EYS: variants seen among roughly 807,000 people sequenced by gnomAD.
EYS encodes the protein protein eyes shut homolog.
A neutral mutation model predicts 282.1 loss-of-function variants in EYS; 250 were observed. The ratio of observed to expected loss-of-function variants is 0.89; its 90% CI spans 0.80 to 0.98. EYS has a LOEUF of 0.98. Among genes scored for constraint, EYS ranks in the 50% least tolerant of loss-of-function variants. The probability of loss-of-function intolerance (pLI) is 0.00; values close to 1 mark genes in which losing one functional copy is unlikely to be tolerated. For synonymous variants in EYS, 1,355 were observed against 1,282.9 expected (o/e 1.06, Z -1.20); for missense variants, 4,016 against 3,709.0 (o/e 1.08, Z -2.15).
At chr6:65,485,744 G>A (rs1032990884) in intron 5 of EYS, among the ~76,000 whole-genome samples, 5 of 152,108 alleles carry the variant, frequency 3.3e-5, no homozygotes, top group African/African-American at 9.7e-5. Flanking sequence ...GGCGGAGGTT[G>A]CAGTGAGCCG....
At chr6:65,180,706 C>T (rs1765356427) in intron 12 of EYS, among the ~76,000 whole-genome samples, 1 of 152,072 alleles carries the variant, frequency 6.6e-6, no homozygotes, top group African/African-American at 2.4e-5. Flanking sequence ...GAAAAAACTG[C>T]TTTAAAGTTC....
intron 12 of EYS, among the ~76,000 whole-genome samples, chr6:65,225,054 G>A (rs1297344402): frequency 6.6e-6 from 1 of 151,906 alleles, no homozygotes; most frequent in Non-Finnish European, 1.5e-5. Flanking sequence ...GAAGATGAAA[G>A]AATACTTTCT....
chr6:64,035,388 A>C (rs538895806), intron 33 of EYS, among the ~76,000 whole-genome samples: 8 of 152,346 alleles, frequency 5.3e-5, no homozygotes, highest in African/African-American at 1.2e-4. Context: ...TATAGCCTTA[A>C]AAATCTATGA....
At chr6:63,905,870 G>A (rs113148399) in intron 35 of EYS, among the ~76,000 whole-genome samples, 4 of 152,202 alleles carry the variant, frequency 2.6e-5, no homozygotes, top group South Asian at 2.1e-4. Flanking sequence ...TCCTATCCCC[G>A]TTATGGCCTT....
At position 63,880,183 on chromosome 6, in the gene EYS, G is replaced by A. The variant is rs112308846; in HGVS notation, c.7056-15825C>T. Among the ~76,000 whole-genome samples the A allele has an allele frequency of 7.1e-3, 1,081 of 152,232 alleles. 16 individuals are homozygous for A. Among genetic ancestry groups the A allele is most frequent in the South Asian group, 0.023 (112 of 4,814 alleles). ...GTTGCCAAAGGACATTAACATTTGA[G>A]TCAGTGGGCTGGGGGAGACAGACCC... is the stretch of plus-strand genomic sequence containing the variant. On this transcript the variant is annotated intron_variant, in intron 35 of 42. Coordinates refer to ENST00000503581, the MANE Select transcript of EYS (RefSeq NM_001142800.2).
intron 19 of EYS, among the ~76,000 whole-genome samples, chr6:64,835,228 A>C (rs932564618): frequency 6.6e-6 from 1 of 151,746 alleles, no homozygotes; most frequent in African/African-American, 2.4e-5. Flanking sequence ...CATGAGCACT[A>C]TTAGCTTTCT....
chr6:64,408,181 A>G, intron 28 of EYS, among the ~76,000 whole-genome samples: 1 of 151,864 alleles, frequency 6.6e-6, no homozygotes, highest in East Asian at 1.9e-4. Flanking sequence ...TTAATAATAA[A>G]TAAATAAATA....
chr6:64,763,151 T>C (rs1159426111), intron 22 of EYS, among the ~76,000 whole-genome samples: 1 of 152,164 alleles, frequency 6.6e-6, no homozygotes, highest in Non-Finnish European at 1.5e-5. Context: ...ACCACAGGAA[T>C]AAATGCAAAA....
At chr6:64,140,065 CACTG>C (rs1355054317) in intron 31 of EYS, among the ~76,000 whole-genome samples, 2 of 151,974 alleles carry the variant, frequency 1.3e-5, no homozygotes, top group Non-Finnish European at 2.9e-5. Flanking sequence ...GCATTAGAAA[CACTG>C]AGTGTAAATG....
At chr6:64,634,341 A>G (rs1767894755) in intron 22 of EYS, among the ~76,000 whole-genome samples, 1 of 152,174 alleles carries the variant, frequency 6.6e-6, no homozygotes, top group Non-Finnish European at 1.5e-5. Flanking sequence ...GCAATACATA[A>G]TTATGTACAA....
At chr6:65,062,790 A>G (rs979259574) in intron 12 of EYS, among the ~76,000 whole-genome samples, 1 of 152,014 alleles carries the variant, frequency 6.6e-6, no homozygotes. Context: ...TGGAAACCGC[A>G]TAAAGAGGAT....
At chr6:65,105,152 T>A (rs1278177039) in intron 12 of EYS, among the ~76,000 whole-genome samples, 1 of 151,774 alleles carries the variant, frequency 6.6e-6, no homozygotes, top group African/African-American at 2.4e-5. Context: ...AGGATATATA[T>A]GAGTATGCAG....
chr6:65,165,050 G>A (rs931593934), intron 12 of EYS, among the ~76,000 whole-genome samples: 1 of 151,220 alleles, frequency 6.6e-6, no homozygotes, highest in Non-Finnish European at 1.5e-5. Context: ...AGGGGTACAC[G>A]GTTAAACCTA....
rs961464835 is a variant in EYS at position 64,863,111 on chromosome 6, G to A, written c.2992+23586C>T. Among the ~76,000 whole-genome samples, 12 of 151,970 alleles carry A rather than the reference G, an allele frequency of 7.9e-5. No homozygotes were observed. In the East Asian group the frequency reaches 9.6e-4, roughly 12 times the overall value. On this transcript the variant is annotated intron_variant, in intron 19 of 42. Coordinates refer to ENST00000503581, the MANE Select transcript of EYS (RefSeq NM_001142800.2). ...TAGCTCATGTAATATTGTCCCATAG[G>A]TTACTGGGTCTATACATATTTTTAA... is the stretch of plus-strand genomic sequence containing the variant.
At chr6:63,890,750 C>T (rs1773386609) in intron 35 of EYS, among the ~76,000 whole-genome samples, 1 of 152,094 alleles carries the variant, frequency 6.6e-6, no homozygotes, top group Admixed American at 6.6e-5. Context: ...AAGATCAGAG[C>T]AGAACTTGAA....
At chr6:64,365,435 A>G (rs1039530900) in intron 29 of EYS, among the ~76,000 whole-genome samples, 2 of 151,970 alleles carry the variant, frequency 1.3e-5, no homozygotes, top group Admixed American at 6.6e-5. Flanking sequence ...CAGCCCCTCC[A>G]TCACTCTTAG....
At chr6:65,222,417 G>T (rs567848303) in intron 12 of EYS, among the ~76,000 whole-genome samples, 1 of 152,104 alleles carries the variant, frequency 6.6e-6, no homozygotes, top group Non-Finnish European at 1.5e-5. Flanking sequence ...CCCTGCACAT[G>T]CTCTCTTGCC....
intron 26 of EYS, among the ~76,000 whole-genome samples, chr6:64,546,147 C>G (rs1262868243): frequency 2.0e-5 from 3 of 152,162 alleles, no homozygotes; most frequent in Admixed American, 6.5e-5. Context: ...GTAACCAAAA[C>G]AGCATGGTAC....
At chr6:63,962,570 A>T (rs1317469415) in intron 35 of EYS, among the ~76,000 whole-genome samples, 1 of 152,202 alleles carries the variant, frequency 6.6e-6, no homozygotes, top group African/African-American at 2.4e-5. Flanking sequence ...ATACCATCTC[A>T]CACCAGTTGG....
Sources: allele counts gnomAD v4.1 joint callset (sites outside exome capture counted in the v4.1 genomes callset), GRCh38; gene constraint gnomAD v4.1.1; transcripts MANE v1.5; gene names NCBI Gene and HGNC (gene_info 2026-07-23, HGNC 2026-07-21).